The following HPSE variants were observed in gnomAD, a reference collection of about 807,000 sequenced individuals.
The protein encoded by HPSE is heparanase, also known as endo-glucoronidase.
Under a neutral mutation model 65.1 loss-of-function variants are expected in HPSE, and 48 were observed. The observed-to-expected ratio is 0.74, with a 90% CI of 0.58 to 0.94. The LOEUF is 0.94. HPSE is among the 40% of genes least tolerant of loss of function. The probability of loss-of-function intolerance (pLI) is 0.00; values close to 1 mark genes in which losing one functional copy is unlikely to be tolerated. For synonymous variants in HPSE, 243 were observed against 260.0 expected, an observed-to-expected ratio of 0.93 and a Z score of 0.63; for missense variants, 644 against 637.5, an observed-to-expected ratio of 1.01 and a Z score of -0.11.
intron 1 of HPSE, among the ~76,000 whole-genome samples, chr4:83,327,279 T>A (rs1737193010): frequency 6.6e-6 from 1 of 152,196 alleles, no homozygotes; most frequent in Non-Finnish European, 1.5e-5. Flanking sequence ...CCAATACTGT[T>A]TGGGTTTACC....
intron 8 of HPSE, among the ~76,000 whole-genome samples, chr4:83,306,653 T>C (rs892555353): frequency 6.6e-6 from 1 of 152,164 alleles, no homozygotes; most frequent in Non-Finnish European, 1.5e-5. Context: ...AAGCTGTCCT[T>C]CTTCATTCCT....
At chr4:83,297,297 G>T (rs929792981) in intron 11 of HPSE, among the ~76,000 whole-genome samples, 2 of 151,518 alleles carry the variant, frequency 1.3e-5, no homozygotes, top group Non-Finnish European at 2.9e-5. Flanking sequence ...CACATTTCTC[G>T]GAATGTATCC....
At chr4:83,334,936 C>CCCCGTT, upstream of HPSE, 1 of 1,234,184 alleles carries the variant, frequency 8.1e-7, no homozygotes, top group Non-Finnish European at 1.1e-6. Flanking sequence ...CCATCCCTCC[C>CCCCGTT]ACTCCTCTTC....
intron 1 of HPSE, among the ~76,000 whole-genome samples, chr4:83,322,571 C>G (rs1736953804): frequency 6.6e-6 from 1 of 152,030 alleles, no homozygotes; most frequent in Non-Finnish European, 1.5e-5. Context: ...CACTTCACTG[C>G]AACTTCTGCT....
rs931518753 is a variant in HPSE, at chr4:83,295,391, A to G, written c.1585T>C (p.Tyr529His). The G allele has an allele frequency of 6.2e-7, 1 of 1,612,688 alleles. No homozygotes were observed. Among genetic ancestry groups the G allele is most frequent in the Non-Finnish European group, 8.5e-7 (1 of 1,179,140 alleles). Reference protein sequence around the residue: ...GSSLGLPAFSYSFFVIRNAKV... With the variant: ...GSSLGLPAFSHSFFVIRNAKV... Reference sequence around the variant, plus strand: ...GCATTTCTTATCACAAAAAAACTATATGAGAAAGCTGGCAAGCCCAGTGAA... The same window carrying G: ...GCATTTCTTATCACAAAAAAACTATGTGAGAAAGCTGGCAAGCCCAGTGAA... The change falls in exon 12 of 12, where the codon TAT becomes CAT. Residue 529 changes from tyrosine (Y) to histidine (H), a missense_variant. Physicochemically the swap from Tyr to His is moderately conservative, Grantham distance 83 (BLOSUM62 2). Coordinates refer to ENST00000311412, the MANE Select transcript of HPSE (RefSeq NM_001098540.3).
chr4:83,321,880 A>G (rs1736905347), intron 2 of HPSE, among the ~76,000 whole-genome samples: 1 of 151,368 alleles, frequency 6.6e-6, no homozygotes. Flanking sequence ...CTTTAGTTTG[A>G]CGCGATTCTA....
At chr4:83,296,969 C>T (rs1389942587) in intron 11 of HPSE, among the ~76,000 whole-genome samples, 2 of 151,980 alleles carry the variant, frequency 1.3e-5, no homozygotes, top group East Asian at 1.9e-4. Flanking sequence ...CACCATGGAC[C>T]GCATATATAA....
chr4:83,301,546 C>T (rs1202308302), intron 10 of HPSE, among the ~76,000 whole-genome samples: 7 of 152,178 alleles, frequency 4.6e-5, no homozygotes, highest in Admixed American at 4.6e-4. Context: ...ATTAAATCTA[C>T]TGACATTTTT....
Position 83,334,799 on chromosome 4 carries a change from T to C in HPSE, c.-17A>G. On this transcript the variant is annotated 5_prime_UTR_variant, in exon 1 of 12. Coordinates refer to ENST00000311412, the MANE Select transcript of HPSE (RefSeq NM_001098540.3). ...CAGCAGCATCTTGGGCTCACCTGGCTGCTCCCCCCGCCAGCTGCCGCGCAG... is the reference window on the plus strand; with the variant it reads ...CAGCAGCATCTTGGGCTCACCTGGCCGCTCCCCCCGCCAGCTGCCGCGCAG... 2.0e-6 allele frequency: 3 copies of C among 1,502,808 alleles called. No individual in the cohort carries two copies. Among genetic ancestry groups the C allele is most frequent in the Non-Finnish European group, 8.9e-7 (1 of 1,124,960 alleles). 93.1% of individuals were successfully genotyped at this position (1,502,808 alleles called of 1,614,324 possible).
intron 1 of HPSE, among the ~76,000 whole-genome samples, chr4:83,324,374 T>C (rs891156251): frequency 2.0e-4 from 30 of 152,160 alleles, no homozygotes; most frequent in Non-Finnish European, 3.8e-4. Context: ...TAATTAAATA[T>C]GTATAATGCT....
chr4:83,302,405 T>A, intron 9 of HPSE, 137 bp from the exon 10 acceptor site: 1 of 586,064 alleles, frequency 1.7e-6, no homozygotes, highest in East Asian at 3.0e-5. Flanking sequence ...ATAGGATTCA[T>A]CTTTTTTTTT....
chr4:83,333,542 C>T (rs1010866062), intron 1 of HPSE, among the ~76,000 whole-genome samples: 2 of 152,132 alleles, frequency 1.3e-5, no homozygotes, highest in Non-Finnish European at 2.9e-5. Flanking sequence ...AAGATGTGGC[C>T]ATCTCTGGAG....
chr4:83,331,468 T>C (rs1427144170), intron 1 of HPSE, among the ~76,000 whole-genome samples: 1 of 152,200 alleles, frequency 6.6e-6, no homozygotes, highest in African/African-American at 2.4e-5. Context: ...GCCCACATTA[T>C]ATTATATTTC....
intron 1 of HPSE, among the ~76,000 whole-genome samples, chr4:83,325,225 G>C (rs1737102137): frequency 6.7e-6 from 1 of 149,518 alleles, no homozygotes; most frequent in South Asian, 2.2e-4. Context: ...GAGTACAGTG[G>C]CATGATCTCG....
chr4:83,309,981 A>G, intron 6 of HPSE, 50 bp downstream of exon 6: 1 of 1,376,098 alleles, frequency 7.3e-7, no homozygotes, highest in Non-Finnish European at 1.0e-6. Flanking sequence ...CTAGGTAATA[A>G]ATAAAGCTAG....
intron 1 of HPSE, among the ~76,000 whole-genome samples, chr4:83,325,345 T>C (rs1481737498): frequency 6.6e-6 from 1 of 152,144 alleles, no homozygotes; most frequent in African/African-American, 2.4e-5. Flanking sequence ...TTTGTATTTT[T>C]ATTAGAGATG....
At chr4:83,300,568 A>AAACT (rs1355408617) in intron 11 of HPSE, among the ~76,000 whole-genome samples, 1 of 86,222 alleles carries the variant, frequency 1.2e-5, no homozygotes, top group African/African-American at 3.0e-5. Context: ...GAATTATTAC[A>AAACT]CTTTGGGAGG....
intron 1 of HPSE, among the ~76,000 whole-genome samples, chr4:83,324,456 G>T (rs924787049): frequency 6.6e-6 from 1 of 152,150 alleles, no homozygotes; most frequent in South Asian, 2.1e-4. Context: ...CAAAATGTAA[G>T]TCTCTTGTGT....
intron 9 of HPSE, 25 bp from the exon 10 acceptor site, chr4:83,302,293 G>A: frequency 6.8e-7 from 1 of 1,480,246 alleles, no homozygotes. Context: ...TGGGGAGAAA[G>A]AGACAAAAAT....
Sources: allele counts gnomAD v4.1 joint callset (sites outside exome capture counted in the v4.1 genomes callset), GRCh38; gene constraint gnomAD v4.1.1; transcripts MANE v1.5; gene names NCBI Gene and HGNC (gene_info 2026-07-23, HGNC 2026-07-21).